Variants in NCMAP observed in about 807,000 individuals in gnomAD.
NCMAP encodes the protein noncompact myelin-associated protein.
A neutral mutation model predicts 7.8 loss-of-function variants in NCMAP; 8 were observed. That is an observed-to-expected ratio of 1.02 (90% CI 0.60 to 1.84). The LOEUF (loss-of-function observed/expected upper bound fraction) is 1.84, where lower values mean the gene tolerates loss of function less well. Among genes scored for constraint, NCMAP ranks in the 40% most tolerant of loss-of-function variants. The pLI is 0.00. For synonymous variants in NCMAP, 41 were observed against 52.9 expected (o/e 0.78, Z 0.98); for missense variants, 112 against 131.4 (o/e 0.85, Z 0.72).
At chr1:24,601,056 G>C (rs1401440629) in intron 3 of NCMAP, 32 bp downstream of exon 3, 1 of 1,583,350 alleles carries the variant, frequency 6.3e-7, no homozygotes, top group South Asian at 1.1e-5. Context: ...GAACTGCCTG[G>C]ACGGTCCCTT....
intron 1 of NCMAP, among the ~76,000 whole-genome samples, chr1:24,584,760 G>C (rs534554483): frequency 7.9e-5 from 12 of 151,706 alleles, no homozygotes; most frequent in Non-Finnish European, 1.5e-4. Flanking sequence ...TCATTCTTTC[G>C]GTCTGAGTTC....
chr1:24,597,975 TG>T (rs1029240346), intron 2 of NCMAP, among the ~76,000 whole-genome samples: 5 of 142,680 alleles, frequency 3.5e-5, no homozygotes, highest in African/African-American at 1.3e-4. Flanking sequence ...TTGGTGGGGG[TG>T]GGGGGAACTT....
intron 1 of NCMAP, among the ~76,000 whole-genome samples, chr1:24,588,852 C>T (rs1355184030): frequency 6.6e-6 from 1 of 152,110 alleles, no homozygotes; most frequent in Admixed American, 6.6e-5. Flanking sequence ...CAAGGGCCCT[C>T]GTCTGTCTGC....
chr1:24,565,605 TG>T (rs1325665694), intron 1 of NCMAP, among the ~76,000 whole-genome samples: 3 of 148,500 alleles, frequency 2.0e-5, no homozygotes, highest in Non-Finnish European at 3.0e-5. Flanking sequence ...TGTGTGTGTG[TG>T]TGTGTGTGTT....
intron 1 of NCMAP, among the ~76,000 whole-genome samples, chr1:24,585,388 A>G (rs991653710): frequency 6.6e-6 from 1 of 152,122 alleles, no homozygotes; most frequent in South Asian, 2.1e-4. Context: ...TCCAGTCTCT[A>G]GTGCCTTCTA....
intron 1 of NCMAP, among the ~76,000 whole-genome samples, chr1:24,566,467 G>C (rs1651231196): frequency 6.6e-6 from 1 of 152,172 alleles, no homozygotes. Context: ...AGCACTGGTG[G>C]GTTTTGGAGA....
rs555048185 is a variant in NCMAP, at chr1:24,576,930, C to A, written c.-7-18494C>A. On this transcript the variant is annotated intron_variant, in intron 1 of 3. Coordinates refer to ENST00000374392, the MANE Select transcript of NCMAP (RefSeq NM_001010980.5). This position sits in a 1 kb window ranked among gnomAD's most constrained non-coding sequence, Gnocchi z 4.0. ...ATCACCTGAGGTCAGGAGTTCAAGACCAGCCTGGCTAACATGACGAAATCC... is the reference window on the plus strand; with the variant it reads ...ATCACCTGAGGTCAGGAGTTCAAGAACAGCCTGGCTAACATGACGAAATCC... Among the ~76,000 whole-genome samples the A allele has an allele frequency of 6.6e-6, 1 of 152,136 alleles. No individual in the cohort carries two copies. Among genetic ancestry groups the A allele is most frequent in the East Asian group, 1.9e-4 (1 of 5,164 alleles).
intron 1 of NCMAP, among the ~76,000 whole-genome samples, chr1:24,558,575 T>C (rs1650968899): frequency 6.6e-6 from 1 of 152,154 alleles, no homozygotes; most frequent in African/African-American, 2.4e-5. Context: ...AGGGGAGGCC[T>C]CACACTATGT....
intron 2 of NCMAP, among the ~76,000 whole-genome samples, chr1:24,597,564 G>A (rs1265534415): frequency 9.1e-6 from 1 of 110,384 alleles, no homozygotes; most frequent in Non-Finnish European, 1.8e-5. Context: ...AAGGGGGGGA[G>A]GTTCTCCTGT....
intron 1 of NCMAP, among the ~76,000 whole-genome samples, chr1:24,577,778 G>A (rs1405224554): frequency 6.6e-6 from 1 of 151,938 alleles, no homozygotes; most frequent in East Asian, 1.9e-4. Flanking sequence ...ACCTCAGTTC[G>A]AGCTTTTGGG....
In NCMAP at chr1:24,581,219, C is replaced by T. The variant is rs530242276; in HGVS notation, c.-7-14205C>T. ...GCAACCTCCACTTCCCAGGTTCAAG[C>T]GATTCTCCTGCCTCAGCCTCCCAAA... is the stretch of plus-strand genomic sequence containing the variant. On this transcript the variant is annotated intron_variant, in intron 1 of 3. Coordinates refer to ENST00000374392, the MANE Select transcript of NCMAP (RefSeq NM_001010980.5). Among the ~76,000 whole-genome samples the T allele has an allele frequency of 1.5e-4, 23 of 151,790 alleles. No individual in the cohort carries two copies. The South Asian group carries it at 3.7e-3, about 25-fold the overall frequency.
At chr1:24,577,401 GTTTTTTTTTT>G (rs71577720) in intron 1 of NCMAP, among the ~76,000 whole-genome samples, 3 of 39,956 alleles carry the variant, frequency 7.5e-5, no homozygotes, top group South Asian at 1.2e-3. Flanking sequence ...CACTGGCCTT[GTTTTTTTTTT>G]TTTTTTTTTT....
intron 1 of NCMAP, among the ~76,000 whole-genome samples, chr1:24,558,908 A>C (rs1156371630): frequency 6.6e-6 from 1 of 152,152 alleles, no homozygotes; most frequent in Non-Finnish European, 1.5e-5. Context: ...GGTTAAAAAG[A>C]AAAGAAAAGA....
At position 24,606,475 on chromosome 1, in the gene NCMAP, C is replaced by T. The variant is rs902779946; in HGVS notation, c.*728C>T. The T allele has an allele frequency of 1.8e-4, 27 of 152,532 alleles. No individual in the cohort carries two copies. Among genetic ancestry groups the T allele is most frequent in the Non-Finnish European group, 1.5e-5 (1 of 68,158 alleles). The allele number at this position is 152,532 out of a possible 1,614,324, so 9.4% of individuals were successfully genotyped here. On this transcript the variant is annotated 3_prime_UTR_variant, in exon 4 of 4. Transcript: ENST00000374392. ...ATGATCCTGGTGGCTGATCAGGGTC[C>T]TTCTCCCACTCTGGGCTGTATCAAC...
In NCMAP at chr1:24,600,951, A is replaced by G. The variant is rs1652467656; in HGVS notation, c.94A>G (p.Ile32Val). ...EDFLYKSSGA[I>V]VAAVVVVVII... ...TCTCCTTTCTGTAGGTTCTGGAGCC[A>G]TTGTTGCTGCCGTTGTGGTGGTTGT... The change falls in exon 3 of 4, where the codon ATT (isoleucine) becomes GTT (valine). Residue 32 changes from isoleucine to valine, a missense_variant. Physicochemically the swap from Ile to Val is conservative, Grantham distance 29. Coordinates refer to ENST00000374392, the MANE Select transcript of NCMAP (RefSeq NM_001010980.5). 2.5e-6 allele frequency: 4 copies of G among 1,613,922 alleles called. No individual in the cohort carries two copies. The highest frequency in any genetic ancestry group is 3.4e-6 in the Non-Finnish European group (4 of 1,180,010).
intron 1 of NCMAP, among the ~76,000 whole-genome samples, chr1:24,575,915 CAAAAAAAAAAAAAA>C (rs10549961): frequency 1.3e-5 from 1 of 79,566 alleles, no homozygotes; most frequent in Non-Finnish European, 2.6e-5. Context: ...ATTGCACTCT[CAAAAAAAAAAAAAA>C]AAAAAAAAAA....
chr1:24,563,350 C>T (rs557973738), intron 1 of NCMAP, among the ~76,000 whole-genome samples: 5 of 151,652 alleles, frequency 3.3e-5, no homozygotes, highest in South Asian at 4.1e-4. Context: ...GGAGAAACCC[C>T]GTCTCTACTA....
At chr1:24,577,765 G>A (rs960024148) in intron 1 of NCMAP, among the ~76,000 whole-genome samples, 2 of 151,984 alleles carry the variant, frequency 1.3e-5, no homozygotes, top group African/African-American at 4.8e-5. Flanking sequence ...AAGTGACTCG[G>A]AAACCTCAGT....
intron 1 of NCMAP, among the ~76,000 whole-genome samples, chr1:24,561,479 T>G (rs1165799664): frequency 6.6e-6 from 1 of 152,194 alleles, no homozygotes; most frequent in African/African-American, 2.4e-5. Context: ...TGTGGGACCC[T>G]AAAAGTAATC....
Sources: gnomAD v4.1 joint callset for allele counts (sites outside exome capture counted in the v4.1 genomes callset) on GRCh38, gnomAD v4.1.1 for gene constraint, Gnocchi (gnomAD v3.1) non-coding constraint, MANE v1.5 for transcripts, NCBI Gene and HGNC (gene_info 2026-07-23, HGNC 2026-07-21) for gene names.